SH3RF3: variants seen among roughly 807,000 people sequenced by gnomAD.
SH3RF3 encodes the protein E3 ubiquitin-protein ligase SH3RF3.
A neutral mutation model predicts 66.3 loss-of-function variants in SH3RF3; 29 were observed. The observed-to-expected ratio is 0.44, with a 90% CI of 0.33 to 0.60. The LOEUF (loss-of-function observed/expected upper bound fraction) is 0.60. Among genes scored for constraint, SH3RF3 ranks in the 20% least tolerant of loss-of-function variants. The pLI, the probability that SH3RF3 is intolerant of heterozygous loss-of-function variation, is 0.04. For missense variants in SH3RF3, 1,194 were observed against 1,190.9 expected (o/e 1.00, Z -0.04); for synonymous variants, 583 against 532.0 (o/e 1.10, Z -1.32).
At chr2:109,133,180 A>G (rs917308747) in intron 1 of SH3RF3, among the ~76,000 whole-genome samples, 1 of 152,208 alleles carries the variant, frequency 6.6e-6, no homozygotes, top group African/African-American at 2.4e-5. Context: ...TGAGGGTTAC[A>G]AGGAAGGACA....
intron 8 of SH3RF3, among the ~76,000 whole-genome samples, chr2:109,452,565 C>T (rs1027044028): frequency 6.6e-5 from 10 of 152,170 alleles, no homozygotes; most frequent in African/African-American, 2.4e-4. Flanking sequence ...GGATACAGCT[C>T]CTGGGCGCCG....
intron 4 of SH3RF3, among the ~76,000 whole-genome samples, chr2:109,412,658 C>T (rs995022134): frequency 1.3e-5 from 2 of 152,220 alleles, no homozygotes; most frequent in African/African-American, 2.4e-5. Context: ...GAGAAAGATA[C>T]GGGCTTACCG....
At chr2:109,137,748 C>T (rs1030634459) in intron 1 of SH3RF3, among the ~76,000 whole-genome samples, 11 of 152,338 alleles carry the variant, frequency 7.2e-5, no homozygotes, top group South Asian at 2.1e-4. Context: ...AGACACCACC[C>T]GTCCTGATCA....
At chr2:109,400,310 T>A (rs1676272005) in intron 4 of SH3RF3, among the ~76,000 whole-genome samples, 1 of 151,868 alleles carries the variant, frequency 6.6e-6, no homozygotes, top group Admixed American at 6.6e-5. Context: ...CTCATACACA[T>A]GGCACACACA....
intron 1 of SH3RF3, among the ~76,000 whole-genome samples, chr2:109,138,287 A>G (rs1574469215): frequency 6.6e-6 from 1 of 152,188 alleles, no homozygotes; most frequent in South Asian, 2.1e-4. Flanking sequence ...TTGGCCTCCC[A>G]AAGTGCTGGG....
intron 1 of SH3RF3, among the ~76,000 whole-genome samples, chr2:109,212,258 A>T (rs1679003235): frequency 6.6e-6 from 1 of 152,072 alleles, no homozygotes; most frequent in South Asian, 2.1e-4. Flanking sequence ...AACTCCATGA[A>T]ATGAGGCTGC....
At chr2:109,429,952 G>A (rs11901112) in intron 5 of SH3RF3, among the ~76,000 whole-genome samples, 12,135 of 152,240 alleles carry the variant, frequency 0.08, 970 homozygotes, top group African/African-American at 0.2. Flanking sequence ...CCAATCCACG[G>A]AACAAGGCCT....
At chr2:109,340,182 T>G (rs1197426931) in intron 1 of SH3RF3, among the ~76,000 whole-genome samples, 1 of 152,194 alleles carries the variant, frequency 6.6e-6, no homozygotes, top group Non-Finnish European at 1.5e-5. Flanking sequence ...TCAGACCACC[T>G]GGATCCAGTC....
At chr2:109,501,052 T>C (rs1028879790) in intron 9 of SH3RF3, among the ~76,000 whole-genome samples, 1 of 152,308 alleles carries the variant, frequency 6.6e-6, no homozygotes. Flanking sequence ...GAGCGTGCTT[T>C]TCAGAGGAAC....
At chr2:109,499,233 T>G (rs1031327631) in intron 9 of SH3RF3, among the ~76,000 whole-genome samples, 1 of 151,982 alleles carries the variant, frequency 6.6e-6, no homozygotes, top group African/African-American at 2.4e-5. Context: ...CCTCGGCGTC[T>G]GTGGAGATGG....
chr2:109,135,899 T>C (rs1189725776), intron 1 of SH3RF3, among the ~76,000 whole-genome samples: 1 of 152,198 alleles, frequency 6.6e-6, no homozygotes, highest in Non-Finnish European at 1.5e-5. Context: ...AGCCATAATC[T>C]GCTTTAAAAA....
chr2:109,323,968 G>C (rs1574573788), intron 1 of SH3RF3, among the ~76,000 whole-genome samples: 1 of 152,098 alleles, frequency 6.6e-6, no homozygotes, highest in East Asian at 1.9e-4. Context: ...GTCACTCTCT[G>C]TTCCCCTTCC....
intron 4 of SH3RF3, among the ~76,000 whole-genome samples, chr2:109,410,975 C>T (rs1676572967): frequency 6.6e-6 from 1 of 152,168 alleles, no homozygotes; most frequent in Non-Finnish European, 1.5e-5. Flanking sequence ...CTGACTCCCT[C>T]ACTCCTGCCA....
chr2:109,186,557 C>T lies in SH3RF3; in HGVS notation c.573+56444C>T, dbSNP rs1678190638. 2.6e-5 allele frequency among the ~76,000 whole-genome samples: 4 copies of T among 152,200 alleles called. No individual in the cohort carries two copies. The South Asian group carries it at 8.3e-4, about 32-fold the overall frequency. ...AAGTCAATTCTGTTTTTGACATTTC[C>T]AGCAACCAGTAAAGCAAACAAATAA... On this transcript the variant is annotated intron_variant, in intron 1 of 9. Coordinates refer to ENST00000309415, the MANE Select transcript of SH3RF3 (RefSeq NM_001099289.3).
chr2:109,131,065 A>G (rs1676682093), intron 1 of SH3RF3, among the ~76,000 whole-genome samples: 1 of 152,240 alleles, frequency 6.6e-6, no homozygotes, highest in Admixed American at 6.5e-5. Context: ...ACACAACTTT[A>G]TTCCTCTACT....
chr2:109,416,926 AATT>A (rs1403783099), intron 4 of SH3RF3, among the ~76,000 whole-genome samples: 3 of 145,908 alleles, frequency 2.1e-5, no homozygotes, highest in African/African-American at 8.1e-5. Context: ...AAAAAAAAAG[AATT>A]GTATGTCCAG....
At chr2:109,359,668 T>C (rs941599408) in intron 2 of SH3RF3, among the ~76,000 whole-genome samples, 1 of 152,202 alleles carries the variant, frequency 6.6e-6, no homozygotes, top group African/African-American at 2.4e-5. Context: ...ATCCAAAATT[T>C]TTTGAGCACC....
chr2:109,131,566 C>T (rs1393080120), intron 1 of SH3RF3, among the ~76,000 whole-genome samples: 2 of 152,090 alleles, frequency 1.3e-5, no homozygotes, highest in African/African-American at 2.4e-5. Flanking sequence ...TTACAGATGT[C>T]CTCTCAGTTT....
At chr2:109,377,266 G>A (rs1005188118) in intron 3 of SH3RF3, among the ~76,000 whole-genome samples, 15 of 152,178 alleles carry the variant, frequency 9.9e-5, no homozygotes, top group African/African-American at 2.9e-4. Context: ...GTGGGCCAGC[G>A]GGGCGTTGGT....
Sources: allele counts gnomAD v4.1 joint callset (sites outside exome capture counted in the v4.1 genomes callset), GRCh38; gene constraint gnomAD v4.1.1; transcripts MANE v1.5; gene names NCBI Gene and HGNC (gene_info 2026-07-23, HGNC 2026-07-21).